Variants in THSD4 observed in about 807,000 individuals in gnomAD.
THSD4 encodes the protein thrombospondin type 1 domain containing 4, also known as thrombospondin type-1 domain-containing protein 4.
In THSD4, 69 loss-of-function variants were observed where a neutral mutation model predicts 119.0. That is an observed-to-expected ratio of 0.58 (90% CI 0.48 to 0.71). THSD4 has a LOEUF of 0.71. Among genes scored for constraint, THSD4 ranks in the 30% least tolerant of loss-of-function variants. THSD4 has a pLI of 0.00. For missense variants in THSD4, 1,393 were observed against 1,391.1 expected (o/e 1.00, Z -0.02); for synonymous variants, 524 against 540.4 (o/e 0.97, Z 0.42).
intron 7 of THSD4, among the ~76,000 whole-genome samples, chr15:71,540,180 C>A (rs1279030780): frequency 6.8e-6 from 1 of 146,368 alleles, no homozygotes; most frequent in East Asian, 2.0e-4. Flanking sequence ...CTCTGTCGCC[C>A]AGGTTGGAGT....
chr15:71,588,974 G>C (rs2049744773), intron 7 of THSD4, among the ~76,000 whole-genome samples: 1 of 152,188 alleles, frequency 6.6e-6, no homozygotes, highest in Non-Finnish European at 1.5e-5. Context: ...GTGAGTCATG[G>C]GAAGCCTTGT....
intron 7 of THSD4, among the ~76,000 whole-genome samples, chr15:71,635,669 G>A (rs1218335122): frequency 3.3e-5 from 5 of 152,148 alleles, no homozygotes; most frequent in Non-Finnish European, 5.9e-5. Flanking sequence ...GACAAAGGTT[G>A]CCAGTTATCA....
intron 7 of THSD4, among the ~76,000 whole-genome samples, chr15:71,447,027 G>A (rs953787761): frequency 4.0e-5 from 6 of 151,640 alleles, no homozygotes; most frequent in Non-Finnish European, 5.9e-5. Flanking sequence ...GAATGAAAAC[G>A]AAGGCACTGT....
At chr15:71,749,916 T>A (rs79614376) in intron 14 of THSD4, among the ~76,000 whole-genome samples, 10,256 of 151,908 alleles carry the variant, frequency 0.068, 561 homozygotes, top group East Asian at 0.25. Context: ...TTTGTATTTG[T>A]TTGTGGTTTC....
At chr15:71,389,330 G>C (rs1348588699) in intron 6 of THSD4, among the ~76,000 whole-genome samples, 2 of 151,922 alleles carry the variant, frequency 1.3e-5, no homozygotes, top group Non-Finnish European at 2.9e-5. Flanking sequence ...TCTACTTTCT[G>C]TCTCTGAATT....
At chr15:71,433,555 G>T (rs2046968879) in intron 7 of THSD4, among the ~76,000 whole-genome samples, 1 of 151,624 alleles carries the variant, frequency 6.6e-6, no homozygotes. Flanking sequence ...TGAGATACTG[G>T]ACATAGACAC....
At chr15:71,609,156 C>T (rs2050172145) in intron 7 of THSD4, among the ~76,000 whole-genome samples, 1 of 152,098 alleles carries the variant, frequency 6.6e-6, no homozygotes, top group Non-Finnish European at 1.5e-5. Flanking sequence ...CATGTATGAA[C>T]TGAAGACTGG....
intron 7 of THSD4, among the ~76,000 whole-genome samples, chr15:71,615,177 A>G (rs1040594159): frequency 1.3e-5 from 2 of 152,228 alleles, no homozygotes; most frequent in African/African-American, 4.8e-5. Context: ...TTCTGCCCAC[A>G]GACTTGTTCA....
At chr15:71,264,996 G>A (rs1462059645) in intron 6 of THSD4, among the ~76,000 whole-genome samples, 1 of 151,994 alleles carries the variant, frequency 6.6e-6, no homozygotes, top group East Asian at 1.9e-4. Context: ...ATTAAATGAG[G>A]TCTTAAGGGC....
chr15:71,528,468 C>T (rs2048559745), intron 7 of THSD4, among the ~76,000 whole-genome samples: 1 of 152,188 alleles, frequency 6.6e-6, no homozygotes. Context: ...CAAAGTGTAA[C>T]TCATTACTAC....
At chr15:71,587,787 T>TAGAAA (rs2049705399) in intron 7 of THSD4, among the ~76,000 whole-genome samples, 1 of 105,554 alleles carries the variant, frequency 9.5e-6, no homozygotes, top group Non-Finnish European at 1.9e-5. Flanking sequence ...AAAAAAAAAT[T>TAGAAA]AAAAAAAAAA....
At chr15:71,715,280 G>A (rs1381421470) in intron 8 of THSD4, among the ~76,000 whole-genome samples, 4 of 152,170 alleles carry the variant, frequency 2.6e-5, no homozygotes, top group Admixed American at 6.5e-5. Context: ...TTAGCAGTCC[G>A]TTTGGTAGTC....
intron 6 of THSD4, among the ~76,000 whole-genome samples, chr15:71,317,477 T>C (rs2045205031): frequency 6.6e-6 from 1 of 152,170 alleles, no homozygotes; most frequent in African/African-American, 2.4e-5. Flanking sequence ...ACTCCCCTTT[T>C]ATAAAACCAT....
At chr15:71,576,825 G>A (rs1280631276) in intron 7 of THSD4, among the ~76,000 whole-genome samples, 1 of 151,940 alleles carries the variant, frequency 6.6e-6, no homozygotes, top group Non-Finnish European at 1.5e-5. Flanking sequence ...GGCTACCAGT[G>A]GTCTCAAAGT....
intron 14 of THSD4, among the ~76,000 whole-genome samples, chr15:71,752,367 C>T (rs1330730524): frequency 6.6e-6 from 1 of 152,224 alleles, no homozygotes; most frequent in African/African-American, 2.4e-5. Flanking sequence ...CCGAATCTAG[C>T]TTGGCTTAAA....
chr15:71,526,210 A>G (rs2048516352), intron 7 of THSD4, among the ~76,000 whole-genome samples: 1 of 152,130 alleles, frequency 6.6e-6, no homozygotes, highest in African/African-American at 2.4e-5. Flanking sequence ...ATCTCAGTTT[A>G]TGGACTTTAC....
At chr15:71,254,577 T>C (rs1329501159) in intron 5 of THSD4, among the ~76,000 whole-genome samples, 1 of 152,142 alleles carries the variant, frequency 6.6e-6, no homozygotes. Flanking sequence ...TTTAACAAAC[T>C]CCTTAAGGTT....
At chr15:71,546,899 G>A (rs541417611) in intron 7 of THSD4, among the ~76,000 whole-genome samples, 13 of 152,296 alleles carry the variant, frequency 8.5e-5, no homozygotes, top group African/African-American at 3.1e-4. Context: ...GAGCGGACTG[G>A]CAACTTGTCC....
intron 3 of THSD4, among the ~76,000 whole-genome samples, chr15:71,214,402 C>T (rs1215598375): frequency 6.6e-6 from 1 of 152,250 alleles, no homozygotes; most frequent in South Asian, 2.1e-4. Flanking sequence ...AGCTGTAACA[C>T]TCAACAGCGA....
Sources: allele counts gnomAD v4.1 joint callset (sites outside exome capture counted in the v4.1 genomes callset), GRCh38; gene constraint gnomAD v4.1.1; transcripts MANE v1.5; gene names NCBI Gene and HGNC (gene_info 2026-07-23, HGNC 2026-07-21).